The following EFR3A variants were observed in gnomAD, a reference collection of about 807,000 sequenced individuals.
The protein encoded by EFR3A is EFR3 homolog A.
In EFR3A, 76 loss-of-function variants were observed where a neutral mutation model predicts 104.4. The ratio of observed to expected loss-of-function variants is 0.73; its 90% CI spans 0.60 to 0.88. The LOEUF is 0.88. EFR3A is among the 40% of genes least tolerant of loss of function. EFR3A has a pLI of 0.00. For synonymous variants in EFR3A, 330 were observed against 330.0 expected (o/e 1.00, Z 0.00); for missense variants, 985 against 1,012.5 (o/e 0.97, Z 0.37).
At chr8:131,938,025 G>A (rs1817992485) in intron 1 of EFR3A, among the ~76,000 whole-genome samples, 1 of 151,964 alleles carries the variant, frequency 6.6e-6, no homozygotes, top group Non-Finnish European at 1.5e-5. Context: ...AAGCTAGTTG[G>A]CTTTGCTTGC....
At chr8:131,921,311 ATG>A (rs1287663274) in intron 1 of EFR3A, among the ~76,000 whole-genome samples, 1 of 151,994 alleles carries the variant, frequency 6.6e-6, no homozygotes, top group Non-Finnish European at 1.5e-5. Context: ...TTCTGACTGT[ATG>A]TGTGTCTGTC....
chr8:131,969,410 CT>C (rs915383602), intron 9 of EFR3A, among the ~76,000 whole-genome samples: 5 of 152,008 alleles, frequency 3.3e-5, no homozygotes, highest in African/African-American at 1.2e-4. Context: ...TGCATATAAC[CT>C]TTGCACACCC....
chr8:131,985,791 G>A (rs1820843120), intron 16 of EFR3A, among the ~76,000 whole-genome samples: 1 of 152,198 alleles, frequency 6.6e-6, no homozygotes, highest in South Asian at 2.1e-4. Context: ...GGAGGAGCCA[G>A]TCCACACAAG....
chr8:131,987,257 T>G (rs1022030630), intron 17 of EFR3A, among the ~76,000 whole-genome samples: 3 of 152,082 alleles, frequency 2.0e-5, no homozygotes, highest in African/African-American at 7.2e-5. Flanking sequence ...TTAATTAACA[T>G]GACAATAAAA....
chr8:131,926,631 A>G (rs1196544407), intron 1 of EFR3A, among the ~76,000 whole-genome samples: 2 of 151,882 alleles, frequency 1.3e-5, no homozygotes, highest in Non-Finnish European at 2.9e-5. Context: ...TTTGGAGGGT[A>G]TTTTTTGAGA....
At chr8:131,996,637 A>G in intron 19 of EFR3A, 140 bp downstream of exon 19, 1 of 533,044 alleles carries the variant, frequency 1.9e-6, no homozygotes. Flanking sequence ...GTAGAAATTA[A>G]TCTGATTTAG....
chr8:131,978,915 A>G lies in EFR3A; in HGVS notation c.1395A>G (p.Leu465=), dbSNP rs147563341. ...ALPGSFLDPL[L]SPSLMEDYEL... is the part of the protein sequence containing the mutation. ...CAGGGTCTTTCCTGGATCCTTTGTTATCACCATCTCTCATGGAGGACTACG... is the reference window on the plus strand; with the variant it reads ...CAGGGTCTTTCCTGGATCCTTTGTTGTCACCATCTCTCATGGAGGACTACG... Residue 465 remains leucine, a synonymous_variant, in exon 13 of 23, where the codon TTA becomes TTG. Transcript: ENST00000254624. 682 of 1,613,064 alleles carry G rather than the reference A, an allele frequency of 4.2e-4. 3 individuals carry two copies. In the East Asian group the frequency reaches 0.013, roughly 32 times the overall value.
intron 7 of EFR3A, among the ~76,000 whole-genome samples, chr8:131,956,549 T>A (rs768352351): frequency 6.6e-6 from 1 of 152,166 alleles, no homozygotes; most frequent in Admixed American, 6.6e-5. Flanking sequence ...TCTGGACATT[T>A]TTGCTAGTCT....
chr8:131,975,937 C>T (rs527886238), intron 10 of EFR3A, 90 bp from the exon 11 acceptor site: 1 of 712,194 alleles, frequency 1.4e-6, no homozygotes, highest in East Asian at 2.7e-5. Context: ...TGTTTTACCA[C>T]ATATTGAAAA....
intron 14 of EFR3A, among the ~76,000 whole-genome samples, chr8:131,981,492 A>C (rs1820610181): frequency 1.3e-5 from 2 of 151,976 alleles, no homozygotes; most frequent in South Asian, 4.2e-4. Flanking sequence ...TCCTTTGTCA[A>C]AATTTTATTT....
chr8:132,000,648 C>T (rs899022114), intron 19 of EFR3A: 3 of 152,170 alleles, frequency 2.0e-5, no homozygotes, highest in African/African-American at 4.8e-5. Context: ...AAGTCAGAAG[C>T]TCCTAGCCAG....
intron 9 of EFR3A, among the ~76,000 whole-genome samples, chr8:131,968,688 C>T (rs796543095): frequency 2.0e-5 from 3 of 152,202 alleles, no homozygotes; most frequent in African/African-American, 7.2e-5. Flanking sequence ...ATATACTGAA[C>T]ATTGAGAGAA....
chr8:131,946,018 G>T (rs930040190), intron 3 of EFR3A, among the ~76,000 whole-genome samples: 7 of 151,938 alleles, frequency 4.6e-5, no homozygotes, highest in Non-Finnish European at 1.0e-4. Context: ...TGTAAAATCT[G>T]ATGAATTGTA....
chr8:131,995,112 C>CTT (rs1167491288), intron 18 of EFR3A, among the ~76,000 whole-genome samples: 1 of 152,104 alleles, frequency 6.6e-6, no homozygotes, highest in African/African-American at 2.4e-5. Flanking sequence ...AAACTATTAT[C>CTT]TTTGAAAGAC....
chr8:131,970,582 A>C lies in EFR3A; in HGVS notation c.1098A>C (p.Leu366Phe), dbSNP rs569921495. 6.2e-7 allele frequency: 1 copy of C among 1,613,870 alleles called. No individual in the cohort carries two copies. The highest frequency in any genetic ancestry group is 1.1e-5 in the South Asian group (1 of 91,072). ...GGGGATCTGTAGGCAGTGTCAACTT[A>C]AATACAAGTTCCAAAGACAATGATG... Reference protein sequence around the residue: ...LQGGSVGSVNLNTSSKDNDEK... With the variant: ...LQGGSVGSVNFNTSSKDNDEK... Residue 366 changes from leucine to phenylalanine, a missense_variant, in exon 10 of 23, where the codon TTA (leucine) becomes TTC (phenylalanine). Physicochemically the swap from Leu to Phe is conservative, Grantham distance 22. Coordinates refer to ENST00000254624, the MANE Select transcript of EFR3A (RefSeq NM_015137.6).
intron 10 of EFR3A, among the ~76,000 whole-genome samples, chr8:131,975,307 C>T (rs934506068): frequency 3.3e-5 from 5 of 151,414 alleles, no homozygotes; most frequent in African/African-American, 9.7e-5. Flanking sequence ...CTTTACCAGA[C>T]AATGTGTGGC....
chr8:131,933,987 C>G (rs1229425365), intron 1 of EFR3A, among the ~76,000 whole-genome samples: 1 of 151,572 alleles, frequency 6.6e-6, no homozygotes, highest in East Asian at 1.9e-4. Flanking sequence ...GTTTATGTGC[C>G]TAGGAATTAA....
chr8:131,995,959 C>T (rs1388492069), intron 18 of EFR3A, among the ~76,000 whole-genome samples: 1 of 152,170 alleles, frequency 6.6e-6, no homozygotes, highest in Non-Finnish European at 1.5e-5. Flanking sequence ...GCTTCCCAAA[C>T]TGTCATCCTA....
At chr8:131,997,196 C>G (rs1388470315) in intron 19 of EFR3A, among the ~76,000 whole-genome samples, 2 of 152,036 alleles carry the variant, frequency 1.3e-5, no homozygotes, top group African/African-American at 4.8e-5. Context: ...AGTAAAAATG[C>G]CAAAATGCCA....
Sources: allele counts gnomAD v4.1 joint callset (sites outside exome capture counted in the v4.1 genomes callset), GRCh38; gene constraint gnomAD v4.1.1; transcripts MANE v1.5; gene names NCBI Gene and HGNC (gene_info 2026-07-23, HGNC 2026-07-21).